The following ADAMTS6 variants were observed in gnomAD, a reference collection of about 807,000 sequenced individuals.
ADAMTS6 encodes the protein ADAM metallopeptidase with thrombospondin type 1 motif 6.
In ADAMTS6, 23 loss-of-function variants were observed where a neutral mutation model predicts 144.3. That is an observed-to-expected ratio of 0.16 (90% CI 0.11 to 0.23). The LOEUF (loss-of-function observed/expected upper bound fraction) is 0.23, where lower values mean the gene tolerates loss of function less well. Ranked by LOEUF, ADAMTS6 falls within the 10% of genes least tolerant of loss-of-function variation. ADAMTS6 has a pLI of 1.00. For missense variants in ADAMTS6, 999 were observed against 1,379.6 expected (o/e 0.72, Z 4.37); for synonymous variants, 444 against 457.5 (o/e 0.97, Z 0.38).
chr5:65,194,034 T>C (rs779151396), intron 21 of ADAMTS6, among the ~76,000 whole-genome samples: 1 of 152,214 alleles, frequency 6.6e-6, no homozygotes, highest in Non-Finnish European at 1.5e-5. Flanking sequence ...ATAGGTTTTT[T>C]TGTTTCCTTC....
intron 9 of ADAMTS6, among the ~76,000 whole-genome samples, chr5:65,321,943 T>C (rs1260900579): frequency 2.6e-5 from 4 of 152,010 alleles, no homozygotes; most frequent in African/African-American, 9.7e-5. Flanking sequence ...CTCAAACTCC[T>C]GACCTCAGGT....
At chr5:65,283,839 G>A (rs1763166048) in intron 11 of ADAMTS6, among the ~76,000 whole-genome samples, 1 of 151,932 alleles carries the variant, frequency 6.6e-6, no homozygotes, top group Admixed American at 6.6e-5. Flanking sequence ...GACAACTGTG[G>A]GATATTTTAT....
rs1489674608 is a variant in ADAMTS6, at chr5:65,299,052, T to C, written c.1370+933A>G. Among the ~76,000 whole-genome samples, 5 of 152,154 alleles carry C rather than the reference T, an allele frequency of 3.3e-5. No individual in the cohort carries two copies. In the Middle Eastern group the frequency reaches 0.01, roughly 311 times the overall value. On this transcript the variant is annotated intron_variant, in intron 10 of 24. Coordinates refer to ENST00000381055, the MANE Select transcript of ADAMTS6 (RefSeq NM_197941.4). ...TGTGCTTTATGTATACCTTACTTTT[T>C]CACAGAGTATTTAATTTCTCCTCCC...
At chr5:65,386,789 G>A (rs758749575) in intron 7 of ADAMTS6, among the ~76,000 whole-genome samples, 2 of 152,132 alleles carry the variant, frequency 1.3e-5, no homozygotes, top group African/African-American at 4.8e-5. Context: ...GTTTCACCAT[G>A]TTGGCCAGGT....
rs1748051100 is a variant in ADAMTS6, at chr5:65,343,498, A to C, written c.1074-9413T>G. Among the ~76,000 whole-genome samples, 2 of 152,166 alleles carry C rather than the reference A, an allele frequency of 1.3e-5. 1 individual carries two copies. Among genetic ancestry groups the C allele is most frequent in the South Asian group, 4.1e-4 (2 of 4,832 alleles). ...GGGAAACCAGATAACCATATGCAAA[A>C]GAATGAAACCAGACCCCCACTTCTC... On this transcript the variant is annotated intron_variant, in intron 7 of 24. Coordinates refer to ENST00000381055, the MANE Select transcript of ADAMTS6 (RefSeq NM_197941.4).
chr5:65,220,847 T>TA (rs1322796120), intron 18 of ADAMTS6, among the ~76,000 whole-genome samples: 1 of 151,946 alleles, frequency 6.6e-6, no homozygotes, highest in Admixed American at 6.6e-5. Flanking sequence ...ATCAATACAA[T>TA]AAAGCCCTCA....
chr5:65,445,305 C>T (rs548432682), intron 7 of ADAMTS6, among the ~76,000 whole-genome samples: 37 of 152,128 alleles, frequency 2.4e-4, no homozygotes, highest in Non-Finnish European at 4.6e-4. Flanking sequence ...TCAGACATAA[C>T]TGTCAATGGC....
chr5:65,470,755 T>C (rs763800172), intron 3 of ADAMTS6, 23 bp downstream of exon 3: 9 of 1,524,608 alleles, frequency 5.9e-6, no homozygotes, highest in Non-Finnish European at 7.0e-6. Context: ...CATCAGAAGT[T>C]TAAAATTATA....
At chr5:65,280,149 T>G (rs942039770) in intron 11 of ADAMTS6, among the ~76,000 whole-genome samples, 7 of 152,156 alleles carry the variant, frequency 4.6e-5, no homozygotes, top group Admixed American at 4.6e-4. Context: ...ATTAAAGCAT[T>G]TGCACAGTTA....
At chr5:65,467,754 G>A (rs929198305) in intron 3 of ADAMTS6, among the ~76,000 whole-genome samples, 1 of 152,108 alleles carries the variant, frequency 6.6e-6, no homozygotes, top group African/African-American at 2.4e-5. Context: ...CTTTCCAGTC[G>A]CTGTTCTGAG....
rs936964354 is a variant in ADAMTS6 at position 65,286,046 on chromosome 5, CT to C, written c.1512+5282del. Among the ~76,000 whole-genome samples the C allele has an allele frequency of 2.2e-4, 33 of 152,136 alleles. 1 individual carries two copies. Among genetic ancestry groups the C allele is most frequent in the African/African-American group, 7.7e-4 (32 of 41,436 alleles). ...CCCCAAAGTACAAAAGGTTCAGATT[CT>C]CCTAAAGCAGTACCAGCATTATCAG... On this transcript the variant is annotated intron_variant, in intron 11 of 24. Coordinates refer to ENST00000381055, the MANE Select transcript of ADAMTS6 (RefSeq NM_197941.4).
intron 7 of ADAMTS6, among the ~76,000 whole-genome samples, chr5:65,338,530 T>C (rs185212187): frequency 9.2e-5 from 14 of 152,364 alleles, no homozygotes; most frequent in Admixed American, 2.0e-4. Context: ...CTCCAAAATA[T>C]AGCGTTACCT....
At chr5:65,413,457 T>C (rs997809321) in intron 7 of ADAMTS6, among the ~76,000 whole-genome samples, 2 of 152,092 alleles carry the variant, frequency 1.3e-5, no homozygotes, top group Admixed American at 6.6e-5. Flanking sequence ...AATAATATTG[T>C]AAACATCTAA....
chr5:65,402,996 A>C (rs147417130), intron 7 of ADAMTS6, among the ~76,000 whole-genome samples: 1,548 of 151,996 alleles, frequency 0.01, 13 homozygotes, highest in Non-Finnish European at 0.012. Flanking sequence ...CATTCCAGTC[A>C]ATCTTTCTGC....
chr5:65,460,099 A>G (rs1199387010), intron 4 of ADAMTS6, 71 bp downstream of exon 4: 1 of 1,526,946 alleles, frequency 6.5e-7, no homozygotes, highest in South Asian at 1.3e-5. Flanking sequence ...TAACCTTACT[A>G]TACTTGCCAG....
At chr5:65,290,011 A>C (rs1164607892) in intron 11 of ADAMTS6, among the ~76,000 whole-genome samples, 1 of 152,182 alleles carries the variant, frequency 6.6e-6, no homozygotes, top group Admixed American at 6.5e-5. Flanking sequence ...GATAAGCCAA[A>C]GTTTTACACA....
intron 8 of ADAMTS6, among the ~76,000 whole-genome samples, chr5:65,330,037 A>C (rs1410670406): frequency 6.6e-6 from 1 of 152,124 alleles, no homozygotes; most frequent in Non-Finnish European, 1.5e-5. Flanking sequence ...TTTAATCTCA[A>C]ATTAATCCTG....
At chr5:65,358,181 G>A (rs1279018166) in intron 7 of ADAMTS6, among the ~76,000 whole-genome samples, 1 of 151,840 alleles carries the variant, frequency 6.6e-6, no homozygotes, top group Non-Finnish European at 1.5e-5. Flanking sequence ...AACAATAAAT[G>A]TGATACATCA....
chr5:65,257,524 A>T (rs1760791396), intron 14 of ADAMTS6, among the ~76,000 whole-genome samples: 1 of 152,140 alleles, frequency 6.6e-6, no homozygotes, highest in Non-Finnish European at 1.5e-5. Flanking sequence ...ATGGCTCAGC[A>T]CTTCAATCAT....
Sources: gnomAD v4.1 joint callset for allele counts (sites outside exome capture counted in the v4.1 genomes callset) on GRCh38, gnomAD v4.1.1 for gene constraint, MANE v1.5 for transcripts, NCBI Gene and HGNC (gene_info 2026-07-23, HGNC 2026-07-21) for gene names.